Variants in RABGAP1L observed in about 807,000 individuals in gnomAD.
The protein encoded by RABGAP1L is rab GTPase-activating protein 1-like.
RABGAP1L carries 63 observed loss-of-function variants against 137.7 expected under a neutral mutation model. The observed-to-expected ratio is 0.46, with a 90% CI of 0.37 to 0.56. The LOEUF (loss-of-function observed/expected upper bound fraction) is 0.56. Among genes scored for constraint, RABGAP1L ranks in the 20% least tolerant of loss-of-function variants. RABGAP1L has a pLI of 0.00. For missense variants in RABGAP1L, 1,095 were observed against 1,244.0 expected (o/e 0.88, Z 1.80); for synonymous variants, 431 against 433.7 (o/e 0.99, Z 0.08).
chr1:174,458,345 T>C (rs185973433), intron 13 of RABGAP1L, among the ~76,000 whole-genome samples: 2 of 151,606 alleles, frequency 1.3e-5, no homozygotes, highest in African/African-American at 4.9e-5. Flanking sequence ...AAAAAAAATT[T>C]TTTTCTGTAC....
At chr1:174,937,524 G>A (rs1267974431) in intron 19 of RABGAP1L, among the ~76,000 whole-genome samples, 1 of 148,886 alleles carries the variant, frequency 6.7e-6, no homozygotes, top group Non-Finnish European at 1.5e-5. Flanking sequence ...AACCTCAGGC[G>A]ATCCACCTGC....
intron 19 of RABGAP1L, among the ~76,000 whole-genome samples, chr1:174,946,893 T>C (rs1573957043): frequency 1.2e-5 from 1 of 80,524 alleles, no homozygotes; most frequent in African/African-American, 5.0e-5. Context: ...AGAGCGAGAC[T>C]CCATCTCAAA....
chr1:174,586,449 C>T (rs1669125112), intron 13 of RABGAP1L, among the ~76,000 whole-genome samples: 1 of 151,886 alleles, frequency 6.6e-6, no homozygotes, highest in African/African-American at 2.4e-5. Flanking sequence ...GAGCTTAATA[C>T]CTAGGTGATG....
chr1:174,338,718 A>C (rs1681706100), intron 11 of RABGAP1L, among the ~76,000 whole-genome samples: 1 of 151,976 alleles, frequency 6.6e-6, no homozygotes, highest in Non-Finnish European at 1.5e-5. Flanking sequence ...ATTTTTAATG[A>C]AATTGTTCCT....
chr1:174,275,913 A>C lies in RABGAP1L; in HGVS notation c.1134A>C (p.Ala378=), dbSNP rs199535098. Residue 378 remains alanine (A), a synonymous_variant, in exon 9 of 26, where the codon GCA becomes GCC. Coordinates refer to ENST00000681986, the MANE Select transcript of RABGAP1L (RefSeq NM_001366446.1). Reference sequence around the variant, plus strand: ...ACCCCAATGCACCAGTATTTCTGGCACTTAACGAGGAAACCCCAAAAGGTG... The same window carrying C: ...ACCCCAATGCACCAGTATTTCTGGCCCTTAACGAGGAAACCCCAAAAGGTG... ...MWNPNAPVFL[A]LNEETPKDKQ... 1.2e-5 allele frequency: 20 copies of C among 1,612,498 alleles called. No individual in the cohort carries two copies. The highest frequency in any genetic ancestry group is 3.3e-4 in the Middle Eastern group (2 of 6,054).
chr1:174,937,034 C>T (rs1664927764), intron 19 of RABGAP1L, among the ~76,000 whole-genome samples: 1 of 128,318 alleles, frequency 7.8e-6, no homozygotes, highest in East Asian at 2.2e-4. Flanking sequence ...GGCTGGAGTG[C>T]AGTGGTATGA....
chr1:174,622,137 A>T (rs1313807497), intron 13 of RABGAP1L, among the ~76,000 whole-genome samples: 5 of 152,224 alleles, frequency 3.3e-5, no homozygotes, highest in Admixed American at 2.6e-4. Context: ...AGAAATGCAA[A>T]TCAAAACCAC....
At chr1:174,680,141 G>T (rs1350823035) in intron 14 of RABGAP1L, among the ~76,000 whole-genome samples, 1 of 152,198 alleles carries the variant, frequency 6.6e-6, no homozygotes, top group Non-Finnish European at 1.5e-5. Flanking sequence ...GCCATAGACT[G>T]GGAAAACATA....
chr1:174,773,496 C>A (rs969141679), intron 18 of RABGAP1L, among the ~76,000 whole-genome samples: 1 of 152,142 alleles, frequency 6.6e-6, no homozygotes, highest in Non-Finnish European at 1.5e-5. Context: ...ATGTTGACAT[C>A]ATACTATGAG....
chr1:174,497,214 T>G (rs1660824718), intron 13 of RABGAP1L, among the ~76,000 whole-genome samples: 1 of 152,222 alleles, frequency 6.6e-6, no homozygotes, highest in Admixed American at 6.5e-5. Context: ...ACTGAAATAT[T>G]CCATCATATC....
chr1:174,586,403 AG>A (rs1328176158), intron 13 of RABGAP1L, among the ~76,000 whole-genome samples: 1 of 143,536 alleles, frequency 7.0e-6, no homozygotes, highest in Non-Finnish European at 1.5e-5. Flanking sequence ...GAGGGTGGGT[AG>A]GGGAGAGCAT....
intron 4 of RABGAP1L, among the ~76,000 whole-genome samples, chr1:174,233,353 G>A (rs547745129): frequency 2.0e-5 from 3 of 150,620 alleles, no homozygotes; most frequent in Admixed American, 1.3e-4. Flanking sequence ...CCATGCTGGT[G>A]CACTGCACCC....
In RABGAP1L at chr1:174,625,576, G is replaced by A. The variant is rs113876262; in HGVS notation, c.1711-11799G>A. 6.5e-3 allele frequency among the ~76,000 whole-genome samples: 996 copies of A among 152,228 alleles called. 14 individuals carry two copies. Among genetic ancestry groups the A allele is most frequent in the African/African-American group, 0.022 (921 of 41,524 alleles). On this transcript the variant is annotated intron_variant, in intron 13 of 25. Transcript: ENST00000681986. ...GCCTACCAAGGTGCTGGGATTACAG[G>A]TGTGAGCCAATGCATCTGGCCTTAC...
chr1:174,584,243 T>C (rs1363420083), intron 13 of RABGAP1L, among the ~76,000 whole-genome samples: 5 of 152,194 alleles, frequency 3.3e-5, no homozygotes, highest in African/African-American at 9.7e-5. Context: ...CTCATATTTT[T>C]TGGCAGTCTG....
chr1:174,431,006 T>C (rs1409557004), intron 13 of RABGAP1L, among the ~76,000 whole-genome samples: 1 of 152,162 alleles, frequency 6.6e-6, no homozygotes, highest in African/African-American at 2.4e-5. Context: ...TTTTTAGCAC[T>C]TCAGTTGCCA....
At chr1:174,615,526 G>A (rs1165674308) in intron 13 of RABGAP1L, among the ~76,000 whole-genome samples, 2 of 152,212 alleles carry the variant, frequency 1.3e-5, no homozygotes, top group Non-Finnish European at 2.9e-5. Context: ...GGGGTCAGGG[G>A]TCAGGGACCC....
At chr1:174,865,011 G>T (rs1231386550) in intron 19 of RABGAP1L, among the ~76,000 whole-genome samples, 1 of 152,158 alleles carries the variant, frequency 6.6e-6, no homozygotes, top group Non-Finnish European at 1.5e-5. Flanking sequence ...CAGCTACTTG[G>T]GAGGCTGAGG....
chr1:174,588,562 A>G (rs1396826505), intron 13 of RABGAP1L, among the ~76,000 whole-genome samples: 1 of 152,118 alleles, frequency 6.6e-6, no homozygotes, highest in Non-Finnish European at 1.5e-5. Flanking sequence ...ATCTAACTAT[A>G]TTTTTGTACC....
At chr1:174,974,373 T>A (rs1244198248) in intron 21 of RABGAP1L, among the ~76,000 whole-genome samples, 1 of 152,182 alleles carries the variant, frequency 6.6e-6, no homozygotes, top group East Asian at 1.9e-4. Flanking sequence ...GTAACCTCAG[T>A]CAGTCATCTG....
Sources: allele counts gnomAD v4.1 joint callset (sites outside exome capture counted in the v4.1 genomes callset), GRCh38; gene constraint gnomAD v4.1.1; transcripts MANE v1.5; gene names NCBI Gene and HGNC (gene_info 2026-07-23, HGNC 2026-07-21).